Variants in LIFR observed in about 807,000 individuals in gnomAD.
LIFR encodes leukemia inhibitory factor receptor.
LIFR carries 84 observed loss-of-function variants against 122.2 expected under a neutral mutation model. The ratio of observed to expected loss-of-function variants is 0.69; its 90% CI spans 0.58 to 0.82. The LOEUF is 0.82. LIFR is among the 40% of genes least tolerant of loss of function. LIFR has a pLI of 0.00. For synonymous variants in LIFR, 422 were observed against 434.7 expected (o/e 0.97, Z 0.36); for missense variants, 1,294 against 1,311.6 (o/e 0.99, Z 0.21).
intron 2 of LIFR, among the ~76,000 whole-genome samples, chr5:38,605,665 C>G (rs989473906): frequency 1.3e-5 from 2 of 152,292 alleles, no homozygotes; most frequent in Middle Eastern, 3.4e-3. Context: ...AGCTACATAC[C>G]TTCCTCACAG....
intron 12 of LIFR, among the ~76,000 whole-genome samples, chr5:38,498,355 G>A (rs1227015074): frequency 2.0e-5 from 3 of 152,078 alleles, no homozygotes; most frequent in African/African-American, 7.2e-5. Flanking sequence ...GCATGCTGCT[G>A]TCACCTGGGC....
chr5:38,572,884 C>A (rs1204610098), intron 1 of LIFR, among the ~76,000 whole-genome samples: 4 of 151,992 alleles, frequency 2.6e-5, no homozygotes, highest in Non-Finnish European at 5.9e-5. Flanking sequence ...ACATCCTAAC[C>A]AATCATACTC....
chr5:38,508,541 G>C (rs1745617507), intron 7 of LIFR, among the ~76,000 whole-genome samples: 1 of 151,796 alleles, frequency 6.6e-6, no homozygotes, highest in Admixed American at 6.6e-5. Flanking sequence ...GCAGACGTGT[G>C]TGTAGGGAAA....
chr5:38,489,569 T>C (rs1447139357), intron 15 of LIFR, among the ~76,000 whole-genome samples: 4 of 152,222 alleles, frequency 2.6e-5, no homozygotes, highest in Admixed American at 6.5e-5. Context: ...TCTTTATTGA[T>C]AGTCCTGAAG....
chr5:38,563,570 A>G (rs1335895855), intron 1 of LIFR, among the ~76,000 whole-genome samples: 2 of 152,246 alleles, frequency 1.3e-5, no homozygotes, highest in East Asian at 1.9e-4. Context: ...ATCATAATTT[A>G]TAATGATTTA....
intron 12 of LIFR, 54 bp downstream of exon 12, chr5:38,499,459 G>A: frequency 8.2e-7 from 1 of 1,217,668 alleles, no homozygotes; most frequent in East Asian, 2.3e-5. Flanking sequence ...CCATGCGTAA[G>A]TTAAGCAGTT....
rs1407904748 is a variant in LIFR, at chr5:38,499,557, T to G, written c.1627A>C (p.Arg543=). The G allele has an allele frequency of 6.2e-7, 1 of 1,608,648 alleles. No individual in the cohort carries two copies. Among genetic ancestry groups the G allele is most frequent in the South Asian group, 1.1e-5 (1 of 90,954 alleles). Residue 543 remains arginine, a synonymous_variant, in exon 12 of 20, where the codon AGA becomes CGA. Coordinates refer to ENST00000453190, the MANE Select transcript of LIFR (RefSeq NM_001127671.2). ...TTTTTTCCATCAGAACTCCACTCTC[T>G]CCAAGTATCAGGCCCCTTTGAAGGA... ...ASPSKGPDTW[R]EWSSDGKNLI...
intron 7 of LIFR, among the ~76,000 whole-genome samples, chr5:38,508,582 C>CTT (rs1194349104): frequency 6.9e-6 from 1 of 145,190 alleles, no homozygotes; most frequent in Non-Finnish European, 1.5e-5. Flanking sequence ...ATTTCTTTTT[C>CTT]TTTTTTTTTT....
intron 1 of LIFR, among the ~76,000 whole-genome samples, chr5:38,576,142 A>G (rs1424364295): frequency 2.6e-5 from 4 of 152,182 alleles, no homozygotes; most frequent in Non-Finnish European, 4.4e-5. Flanking sequence ...CCTCATCTCT[A>G]TGGTAGGGAT....
At chr5:38,566,641 T>C (rs940853047) in intron 1 of LIFR, among the ~76,000 whole-genome samples, 6 of 152,216 alleles carry the variant, frequency 3.9e-5, no homozygotes, top group African/African-American at 1.4e-4. Flanking sequence ...CTTAGTTCAT[T>C]GTGGATCCTC....
rs143942452 is a variant in LIFR at position 38,568,785 on chromosome 5, T to A, written c.-20+26476A>T. Among the ~76,000 whole-genome samples the A allele has an allele frequency of 1.1e-3, 163 of 152,328 alleles. 1 individual carries two copies. Among genetic ancestry groups the A allele is most frequent in the African/African-American group, 3.7e-3 (152 of 41,574 alleles). On this transcript the variant is annotated intron_variant, in intron 1 of 19. Coordinates refer to the LIFR transcript ENST00000263409. ...CAGAAGCAGGTTGAGCGTCCCAGGA[T>A]ACAGACTCTAGGACAGAGATTAGTG...
At chr5:38,586,151 CAG>C (rs1170351668) in intron 1 of LIFR, among the ~76,000 whole-genome samples, 3 of 152,122 alleles carry the variant, frequency 2.0e-5, no homozygotes, top group African/African-American at 7.2e-5. Context: ...TTTGTTGAGA[CAG>C]AGTTTCACTC....
At chr5:38,545,444 T>C (rs1438689853) in intron 1 of LIFR, among the ~76,000 whole-genome samples, 2 of 152,178 alleles carry the variant, frequency 1.3e-5, no homozygotes, top group Non-Finnish European at 2.9e-5. Context: ...CCTGGGGTTA[T>C]CTCTGAATGG....
rs373035351 is a variant in LIFR, at chr5:38,523,604, G to A, written c.398-22C>T. ...AAGGCTTTAAAAAGAGGAAACAAAA[G>A]AGAAAACTTAGTAAAATAAGTAATG... On this transcript the variant is annotated intron_variant, in intron 4 of 19. Coordinates refer to ENST00000453190, the MANE Select transcript of LIFR (RefSeq NM_001127671.2). 2.5e-6 allele frequency: 4 copies of A among 1,589,102 alleles called. No individual in the cohort carries two copies. In the Admixed American group the frequency reaches 6.7e-5, roughly 27 times the overall value.
chr5:38,592,781 A>G (rs184524327), intron 1 of LIFR, among the ~76,000 whole-genome samples: 3 of 152,150 alleles, frequency 2.0e-5, no homozygotes, highest in Non-Finnish European at 2.9e-5. Context: ...TTTAGTTTGT[A>G]TGGATATATA....
intron 1 of LIFR, chr5:38,594,874 G>A: frequency 5.0e-6 from 1 of 201,530 alleles, no homozygotes; most frequent in East Asian, 7.6e-5. Context: ...TCATCTTGGT[G>A]AGCAGTGTGC....
chr5:38,491,042 A>T (rs554187223), intron 14 of LIFR, among the ~76,000 whole-genome samples: 1 of 152,314 alleles, frequency 6.6e-6, no homozygotes, highest in South Asian at 2.1e-4. Flanking sequence ...TGTTCCAAGA[A>T]GCAGAATTAA....
upstream of LIFR, chr5:38,558,417 C>T (rs1373360422): frequency 6.6e-6 from 1 of 152,134 alleles, no homozygotes; most frequent in Non-Finnish European, 1.5e-5. Context: ...CTAACATCCA[C>T]CTGATACACA....
At position 38,493,488 on chromosome 5, in the gene LIFR, T is replaced by C. The variant is rs1359673447; in HGVS notation, c.2065+118A>G. 5.1e-6 allele frequency: 5 copies of C among 972,902 alleles called. No homozygotes were observed. The East Asian group carries it at 1.2e-4, about 24-fold the overall frequency. The allele number at this position is 972,902 out of a possible 1,614,324, so 60.3% of individuals were successfully genotyped here. A position where few individuals can be genotyped will look rare whatever the true frequency, so the allele number is the denominator to read the frequency against. The stretch of plus-strand genomic sequence containing the variant: ...TGCCACAACTACCCTCCCAGGAAAG[T>C]CAAACCTATTTATACCCATCCAGCA... On this transcript the variant is annotated intron_variant, in intron 14 of 19. Coordinates refer to ENST00000453190, the MANE Select transcript of LIFR (RefSeq NM_001127671.2).
Sources: allele counts gnomAD v4.1 joint callset (sites outside exome capture counted in the v4.1 genomes callset), GRCh38; gene constraint gnomAD v4.1.1; transcripts MANE v1.5; gene names NCBI Gene and HGNC (gene_info 2026-07-23, HGNC 2026-07-21).